The following CFAP144 variants were observed in gnomAD, a reference collection of about 807,000 sequenced individuals.
The protein encoded by CFAP144 is cilia- and flagella-associated protein 144.
the CFAP144 span, chr1:43,150,852 T>C: frequency 6.3e-7 from 1 of 1,574,970 alleles, no homozygotes; most frequent in Non-Finnish European, 8.7e-7. Context: ...GCCATTGAGA[T>C]AGAGCCCAGA....
the CFAP144 span, among the ~76,000 whole-genome samples, chr1:43,149,177 T>G: frequency 2.6e-5 from 4 of 152,148 alleles, no homozygotes; most frequent in Non-Finnish European, 5.9e-5. Flanking sequence ...CTAAAATCCT[T>G]CTCATAGCCT....
the CFAP144 span, among the ~76,000 whole-genome samples, chr1:43,143,110 C>T: frequency 3.3e-5 from 5 of 152,028 alleles, no homozygotes; most frequent in Admixed American, 2.0e-4. Context: ...TCTCCTCTCA[C>T]GACCGTCAAG....
the CFAP144 span, among the ~76,000 whole-genome samples, chr1:43,153,151 G>T: frequency 1.3e-5 from 2 of 152,278 alleles, no homozygotes; most frequent in Admixed American, 1.3e-4. Flanking sequence ...ATGAAACGAG[G>T]TGATATTTGT....
At chr1:43,153,490 G>T in the CFAP144 span, among the ~76,000 whole-genome samples, 3 of 151,966 alleles carry the variant, frequency 2.0e-5, no homozygotes, top group Admixed American at 2.0e-4. Flanking sequence ...CACGCTTATA[G>T]TCCAGCTACT....
the CFAP144 span, among the ~76,000 whole-genome samples, chr1:43,146,744 A>G: frequency 6.6e-6 from 1 of 152,378 alleles, no homozygotes; most frequent in South Asian, 2.1e-4. Flanking sequence ...TGGATGGATG[A>G]ATGAATGAAG....
chr1:43,143,749 C>G, the CFAP144 span, among the ~76,000 whole-genome samples: 1 of 152,214 alleles, frequency 6.6e-6, no homozygotes, highest in South Asian at 2.1e-4. Flanking sequence ...AACACAGGAA[C>G]CAAGATGGTA....
At chr1:43,152,984 G>A in the CFAP144 span, 1 of 1,565,880 alleles carries the variant, frequency 6.4e-7, no homozygotes, top group East Asian at 2.4e-5. Context: ...AGCAATGTAA[G>A]TGGTGACCGT....
At chr1:43,156,322 C>A in the CFAP144 span, 2 of 1,599,688 alleles carry the variant, frequency 1.3e-6, no homozygotes, top group Admixed American at 1.7e-5. Flanking sequence ...AGCATCCCAG[C>A]GGATGAGCCC....
chr1:43,153,384 C>T, the CFAP144 span, among the ~76,000 whole-genome samples: 3 of 152,064 alleles, frequency 2.0e-5, no homozygotes, highest in South Asian at 2.1e-4. Flanking sequence ...CCAAGGCAGG[C>T]GGATCACCTG....
the CFAP144 span, among the ~76,000 whole-genome samples, chr1:43,151,378 T>A: frequency 6.6e-6 from 1 of 152,180 alleles, no homozygotes; most frequent in East Asian, 1.9e-4. Flanking sequence ...AGGGATCTCA[T>A]AGCATAATGA....
the CFAP144 span, among the ~76,000 whole-genome samples, chr1:43,144,731 G>A: frequency 6.6e-6 from 1 of 151,962 alleles, no homozygotes. Context: ...CTGCCACCAC[G>A]TTCATCAGGG....
At chr1:43,151,638 G>A in the CFAP144 span, among the ~76,000 whole-genome samples, 2 of 152,152 alleles carry the variant, frequency 1.3e-5, no homozygotes, top group African/African-American at 4.8e-5. Context: ...TGGAGAAAGG[G>A]CCCTATTTGG....
the CFAP144 span, chr1:43,150,870 G>A: frequency 6.7e-7 from 1 of 1,486,884 alleles, no homozygotes; most frequent in Non-Finnish European, 9.2e-7. Flanking sequence ...AGAGAGGCAG[G>A]CTGGCTGGAG....
chr1:43,155,705 C>G, the CFAP144 span, among the ~76,000 whole-genome samples: 7 of 152,218 alleles, frequency 4.6e-5, no homozygotes, highest in Non-Finnish European at 1.0e-4. Flanking sequence ...CCTGGCAGAG[C>G]CTCACCTTGG....
the CFAP144 span, chr1:43,148,083 G>A: frequency 6.2e-7 from 1 of 1,612,084 alleles, no homozygotes; most frequent in Non-Finnish European, 8.5e-7. Flanking sequence ...CCCTCCGCAA[G>A]AGTGAGAGGC....
the CFAP144 span, among the ~76,000 whole-genome samples, chr1:43,146,549 C>T: frequency 6.6e-6 from 1 of 152,170 alleles, no homozygotes; most frequent in African/African-American, 2.4e-5. Context: ...GTCCAGAAGA[C>T]ACCATTAAGA....
the CFAP144 span, among the ~76,000 whole-genome samples, chr1:43,152,379 T>A: frequency 6.6e-6 from 1 of 152,188 alleles, no homozygotes; most frequent in Non-Finnish European, 1.5e-5. Flanking sequence ...TTCCTCTGCC[T>A]CTTCCCAGGG....
the CFAP144 span, among the ~76,000 whole-genome samples, chr1:43,154,062 G>GTGTATATATA: frequency 8.4e-5 from 7 of 83,666 alleles, no homozygotes; most frequent in South Asian, 4.3e-4. Context: ...ATATGTGTGT[G>GTGTATATATA]TATATATATA....
chr1:43,149,792 G>A, the CFAP144 span, among the ~76,000 whole-genome samples: 1 of 152,142 alleles, frequency 6.6e-6, no homozygotes, highest in Non-Finnish European at 1.5e-5. Context: ...CTAATATACT[G>A]ATAATAGTCC....
Sources: allele counts gnomAD v4.1 joint callset (sites outside exome capture counted in the v4.1 genomes callset), GRCh38; gene constraint gnomAD v4.1.1; transcripts MANE v1.5; gene names NCBI Gene and HGNC (gene_info 2026-07-23, HGNC 2026-07-21).